Variants in ARHGEF3 observed in about 807,000 individuals in gnomAD.
ARHGEF3 encodes the protein Rho guanine nucleotide exchange factor 3, also known as 59.8 kDA protein.
ARHGEF3 carries 28 observed loss-of-function variants against 63.2 expected under a neutral mutation model. The observed-to-expected ratio is 0.44, with a 90% confidence interval of 0.33 to 0.61. ARHGEF3 has a LOEUF of 0.61. ARHGEF3 is among the 20% of genes least tolerant of loss of function. The pLI, the probability that ARHGEF3 is intolerant of heterozygous loss-of-function variation, is 0.03. For missense variants in ARHGEF3, 533 were observed against 659.3 expected, an observed-to-expected ratio of 0.81 and a Z score of 2.10; for synonymous variants, 266 against 254.2, an observed-to-expected ratio of 1.05 and a Z score of -0.44.
At chr3:56,814,164 G>A (rs530676810) in intron 4 of ARHGEF3, among the ~76,000 whole-genome samples, 5 of 152,278 alleles carry the variant, frequency 3.3e-5, no homozygotes, top group African/African-American at 1.2e-4. Context: ...CCTTCTTTCT[G>A]GAAGAACATA....
At chr3:56,980,321 A>G (rs4289317) in intron 2 of ARHGEF3, among the ~76,000 whole-genome samples, 144,819 of 152,168 alleles carry the variant, frequency 0.95, 69,363 homozygotes, top group East Asian at 1. Context: ...ATTATTAAAC[A>G]CAAAGCCTGT....
chr3:56,979,844 C>A (rs977840994), intron 2 of ARHGEF3, among the ~76,000 whole-genome samples: 22 of 152,162 alleles, frequency 1.4e-4, no homozygotes, highest in African/African-American at 5.3e-4. Context: ...AGGACTCAAT[C>A]CTTAGAAGGT....
At chr3:56,848,628 T>C (rs1051653109) in intron 4 of ARHGEF3, among the ~76,000 whole-genome samples, 9 of 152,188 alleles carry the variant, frequency 5.9e-5, no homozygotes, top group African/African-American at 2.2e-4. Context: ...ATATACACCG[T>C]TGAACAATGG....
At chr3:57,002,476 A>ATATTCCAGGCAC (rs1560122682) in intron 2 of ARHGEF3, among the ~76,000 whole-genome samples, 1 of 35,288 alleles carries the variant, frequency 2.8e-5, no homozygotes, top group Non-Finnish European at 5.5e-5. Flanking sequence ...ATATATATAT[A>ATATTCCAGGCAC]TGTTATATAT....
intron 3 of ARHGEF3, among the ~76,000 whole-genome samples, chr3:56,955,158 G>A (rs2106717521): frequency 6.6e-6 from 1 of 151,106 alleles, no homozygotes; most frequent in African/African-American, 2.4e-5. Flanking sequence ...TAGGACATTG[G>A]TGAACAAACA....
At chr3:56,790,580 T>C (rs2037028186) in intron 1 of ARHGEF3, among the ~76,000 whole-genome samples, 1 of 152,122 alleles carries the variant, frequency 6.6e-6, no homozygotes, top group African/African-American at 2.4e-5. Context: ...CTGTGTGAAG[T>C]CAAAAATTAA....
intron 3 of ARHGEF3, among the ~76,000 whole-genome samples, chr3:56,918,998 C>G (rs1336366060): frequency 6.6e-6 from 1 of 152,030 alleles, no homozygotes; most frequent in East Asian, 1.9e-4. Flanking sequence ...TGTTAAAAAG[C>G]CAGACGTAGA....
At chr3:56,986,042 C>T (rs1375210651) in intron 2 of ARHGEF3, among the ~76,000 whole-genome samples, 1 of 152,190 alleles carries the variant, frequency 6.6e-6, no homozygotes, top group African/African-American at 2.4e-5. Flanking sequence ...ACAAACACCC[C>T]AGCACGCTGC....
chr3:56,793,391 G>A (rs1379706539), intron 1 of ARHGEF3, among the ~76,000 whole-genome samples: 3 of 152,110 alleles, frequency 2.0e-5, no homozygotes, highest in Admixed American at 1.3e-4. Context: ...GGATGGTCTC[G>A]ATCTCCTGAC....
intron 4 of ARHGEF3, among the ~76,000 whole-genome samples, chr3:56,859,313 A>AT (rs1011724710): frequency 2.4e-4 from 35 of 145,012 alleles, no homozygotes; most frequent in Non-Finnish European, 4.7e-4. Context: ...AATTTTTTGT[A>AT]TTTTTTTAGT....
intron 4 of ARHGEF3, among the ~76,000 whole-genome samples, chr3:56,825,830 A>G (rs768518137): frequency 6.6e-6 from 1 of 152,114 alleles, no homozygotes; most frequent in Non-Finnish European, 1.5e-5. Flanking sequence ...TCATGGCTCT[A>G]CAACTTTCTT....
intron 1 of ARHGEF3, among the ~76,000 whole-genome samples, chr3:56,796,356 T>C (rs763764248): frequency 2.0e-5 from 3 of 152,194 alleles, no homozygotes; most frequent in Non-Finnish European, 4.4e-5. Flanking sequence ...CTTCCAGTGA[T>C]TGGTTTACAC....
At chr3:56,997,933 T>C (rs1702053758) in intron 2 of ARHGEF3, among the ~76,000 whole-genome samples, 1 of 152,238 alleles carries the variant, frequency 6.6e-6, no homozygotes, top group African/African-American at 2.4e-5. Context: ...TGTGTACAGT[T>C]GAAGGCAACG....
intron 4 of ARHGEF3, among the ~76,000 whole-genome samples, chr3:56,827,930 A>T (rs569077125): frequency 3.5e-4 from 37 of 105,334 alleles, no homozygotes; most frequent in African/African-American, 1.3e-3. Flanking sequence ...GGGTGACAAC[A>T]TGAGATTCTG....
chr3:56,748,859 T>C (rs2034559691), intron 6 of ARHGEF3, among the ~76,000 whole-genome samples: 1 of 152,160 alleles, frequency 6.6e-6, no homozygotes, highest in Non-Finnish European at 1.5e-5. Context: ...CATTCTAAGG[T>C]CAAAAGGACT....
intron 3 of ARHGEF3, among the ~76,000 whole-genome samples, chr3:56,926,885 C>T (rs1431081408): frequency 6.6e-6 from 1 of 152,198 alleles, no homozygotes; most frequent in Non-Finnish European, 1.5e-5. Flanking sequence ...GGAGGAGTCC[C>T]CAGAATGACC....
At chr3:56,922,134 C>T (rs766897772) in intron 3 of ARHGEF3, among the ~76,000 whole-genome samples, 1 of 151,694 alleles carries the variant, frequency 6.6e-6, no homozygotes, top group Non-Finnish European at 1.5e-5. Flanking sequence ...CTGGCCGCTG[C>T]GGTTCTGCCT....
Position 57,042,651 on chromosome 3 carries a change from AATATATATATATATATATATATATAT to A in ARHGEF3, c.-27-7501_-27-7476del, listed in dbSNP as rs71076013. Among the ~76,000 whole-genome samples, 11 of 49,262 alleles carry A rather than the reference AATATATATATATATATATATATATAT, an allele frequency of 2.2e-4. 1 individual carries two copies. Among genetic ancestry groups the A allele is most frequent in the African/African-American group, 7.4e-4 (10 of 13,540 alleles). 32.3% of individuals were successfully genotyped at this position (49,262 alleles called of 152,430 possible). A position where few individuals can be genotyped will look rare whatever the true frequency, so the allele number is the denominator to read the frequency against. On this transcript the variant is annotated intron_variant, in intron 1 of 12. Coordinates refer to the ARHGEF3 transcript ENST00000338458. Reference sequence around the variant, plus strand: ...CCCAGCATAACACTGTATGTACATAAATATATATATATATATATATATATATATATATATATATATATATATATATT... The same window carrying A: ...CCCAGCATAACACTGTATGTACATAAATATATATATATATATATATATATT...
At chr3:56,834,719 TGG>T (rs1002185822) in intron 4 of ARHGEF3, among the ~76,000 whole-genome samples, 1 of 141,242 alleles carries the variant, frequency 7.1e-6, no homozygotes, top group Non-Finnish European at 1.5e-5. Flanking sequence ...CACTCCAGCC[TGG>T]GTGACAGAGT....
Sources: allele counts gnomAD v4.1 joint callset (sites outside exome capture counted in the v4.1 genomes callset), GRCh38; gene constraint gnomAD v4.1.1; transcripts MANE v1.5; gene names NCBI Gene and HGNC (gene_info 2026-07-23, HGNC 2026-07-21).